ECE2: variants seen among roughly 807,000 people sequenced by gnomAD.
ECE2 encodes the protein endothelin-converting enzyme 2.
In ECE2, 81 loss-of-function variants were observed where a neutral mutation model predicts 100.6. The observed-to-expected ratio is 0.81, with a 90% CI of 0.67 to 0.97. The LOEUF is 0.97. ECE2 is among the 50% of genes least tolerant of loss of function. The pLI is 0.00. For synonymous variants in ECE2, 391 were observed against 391.5 expected, an observed-to-expected ratio of 1.00 and a Z score of 0.02; for missense variants, 911 against 988.1, an observed-to-expected ratio of 0.92 and a Z score of 1.05.
At chr3:184,285,329 G>T (rs1471218095) in intron 9 of ECE2, 149 bp from the exon 10 acceptor site, 2 of 878,180 alleles carry the variant, frequency 2.3e-6, no homozygotes, top group Non-Finnish European at 3.5e-6. Context: ...ACAGGCAGGT[G>T]TGTGGCCCCG....
Position 184,292,331 on chromosome 3 carries a change from G to T in ECE2, c.*93G>T. 4 of 1,482,774 alleles carry T rather than the reference G, an allele frequency of 2.7e-6. No individual in the cohort carries two copies. In the South Asian group the frequency reaches 3.8e-5, roughly 14 times the overall value. 91.9% of individuals were successfully genotyped at this position (1,482,774 alleles called of 1,614,324 possible). ...GCTCTTGGGTTGGGAGGAAGCAAAT[G>T]CAAGCTGGGCTGGGTCTAGTCCCTC... On this transcript the variant is annotated 3_prime_UTR_variant, in exon 19 of 19. Transcript: ENST00000404464.
At chr3:184,287,136 C>T (rs969065450) in intron 10 of ECE2, among the ~76,000 whole-genome samples, 17 of 151,702 alleles carry the variant, frequency 1.1e-4, no homozygotes, top group African/African-American at 4.1e-4. Context: ...TTTAGCCGGG[C>T]GTGGTGGCGG....
At chr3:184,278,773 T>C in intron 7 of ECE2, 1 of 592,176 alleles carries the variant, frequency 1.7e-6, no homozygotes, top group Non-Finnish European at 3.0e-6. Flanking sequence ...CTAGTAGGTT[T>C]CATAGACACC....
At chr3:184,279,907 A>G (rs1720747150) in intron 7 of ECE2, among the ~76,000 whole-genome samples, 1 of 152,100 alleles carries the variant, frequency 6.6e-6, no homozygotes, top group African/African-American at 2.4e-5. Flanking sequence ...GGGTGTGAAG[A>G]GTAGATGTGA....
In ECE2 at chr3:184,291,666, C is replaced by T; in HGVS notation, c.2121+227C>T. 2 of 524,792 alleles carry T rather than the reference C, an allele frequency of 3.8e-6. No homozygotes were observed. Among genetic ancestry groups the T allele is most frequent in the Non-Finnish European group, 6.7e-6 (2 of 299,492 alleles). 32.5% of individuals were successfully genotyped at this position (524,792 alleles called of 1,614,324 possible). A position where few individuals can be genotyped will look rare whatever the true frequency, so the allele number is the denominator to read the frequency against. Reference sequence around the variant, plus strand: ...GGGAGAATGCCTTGGTAGGATTTCGCATAGTTCAAAGGGCAAGGTTGTCGT... The same window carrying T: ...GGGAGAATGCCTTGGTAGGATTTCGTATAGTTCAAAGGGCAAGGTTGTCGT... On this transcript the variant is annotated intron_variant, in intron 18 of 18. Coordinates refer to ENST00000404464, the MANE Select transcript of ECE2 (RefSeq NM_001100121.2). The surrounding 1 kb of genome is among the most constrained non-coding windows in gnomAD (Gnocchi z 4.1).
At chr3:184,287,663 C>A (rs1020590877) in intron 10 of ECE2, among the ~76,000 whole-genome samples, 174 bp from the exon 11 acceptor site, 18 of 152,180 alleles carry the variant, frequency 1.2e-4, no homozygotes, top group East Asian at 1.9e-4. Flanking sequence ...CCACTATACT[C>A]CAGCCTGGGT....
intron 14 of ECE2, 82 bp from the exon 15 acceptor site, chr3:184,290,475 G>T: frequency 6.4e-7 from 1 of 1,561,902 alleles, no homozygotes. Flanking sequence ...CCATACCCTT[G>T]CAGGAGGTAG....
Position 184,283,561 on chromosome 3 carries a change from CAAAAAAAAAAAAAA to C in ECE2, c.817-207_817-194del, listed in dbSNP as rs35761542. ...TGGGCAACAGAGTGAGACTCCATCT[CAAAAAAAAAAAAAA>C]AAAAAAAAAAAAAAAAGAAGAAGAA... On this transcript the variant is annotated intron_variant, in intron 7 of 18. Coordinates refer to ENST00000404464, the MANE Select transcript of ECE2 (RefSeq NM_001100121.2). 9.4e-5 allele frequency among the ~76,000 whole-genome samples: 5 copies of C among 53,086 alleles called. No individual in the cohort carries two copies. The East Asian group carries it at 2.1e-3, about 22-fold the overall frequency. 34.8% of individuals were successfully genotyped at this position (53,086 alleles called of 152,430 possible).
intron 14 of ECE2, 56 bp downstream of exon 14, chr3:184,290,414 G>C (rs1721257568): frequency 6.3e-7 from 1 of 1,588,216 alleles, no homozygotes; most frequent in Middle Eastern, 1.7e-4. Flanking sequence ...GTGGGGGAAG[G>C]TTCCTGGGAT....
At chr3:184,276,841 T>C in intron 2 of ECE2, 51 bp from the exon 3 acceptor site, 1 of 1,605,218 alleles carries the variant, frequency 6.2e-7, no homozygotes, top group Non-Finnish European at 8.5e-7. Context: ...CTGGTAATCT[T>C]GGATCCCTGC....
At position 184,287,819 on chromosome 3, in the gene ECE2, C is replaced by G; in HGVS notation, c.1264-18C>G. ...GACACAGCCATCTCTAGGGTCCTGG[C>G]TCTTTGTCCTTTAACAGTCCTGTGT... is the stretch of plus-strand genomic sequence containing the variant. On this transcript the variant is annotated intron_variant, in intron 10 of 18. Transcript: ENST00000404464. The G allele has an allele frequency of 6.2e-7, 1 of 1,611,374 alleles. No individual in the cohort carries two copies. Among genetic ancestry groups the G allele is most frequent in the Non-Finnish European group, 8.5e-7 (1 of 1,177,532 alleles).
In ECE2 at chr3:184,283,733, G is replaced by A. The variant is rs1368485054; in HGVS notation, c.817-52G>A. 4.4e-6 allele frequency: 7 copies of A among 1,584,988 alleles called. No homozygotes were observed. In the Admixed American group the frequency reaches 5.2e-5, roughly 12 times the overall value. ...GAGGTGGTGGTAAGAACAGATCTCA[G>A]CCTTGGGCAGGACTTGTTGCTGGGC... On this transcript the variant is annotated intron_variant, in intron 7 of 18. Coordinates refer to ENST00000404464, the MANE Select transcript of ECE2 (RefSeq NM_001100121.2).
chr3:184,278,398 C>A (rs188091674), intron 6 of ECE2, 85 bp downstream of exon 6: 1 of 1,587,162 alleles, frequency 6.3e-7, no homozygotes, highest in East Asian at 2.2e-5. Context: ...GCAGGCTGGG[C>A]TGACCCCCCG....
At chr3:184,278,425 C>T (rs843372) in intron 6 of ECE2, 67 bp from the exon 7 acceptor site, 1,227,630 of 1,592,240 alleles carry the variant, frequency 0.77, 476,031 homozygotes, top group African/African-American at 0.96. Context: ...CCCCTACCCC[C>T]GCTCGGGAAT....
chr3:184,290,950 G>A (rs1721283023), intron 16 of ECE2, 90 bp downstream of exon 16: 2 of 1,596,132 alleles, frequency 1.3e-6, no homozygotes, highest in African/African-American at 1.3e-5. Flanking sequence ...CAAGGGCCCT[G>A]AAGTCTGTGG....
chr3:184,292,479 G>A lies in ECE2; in HGVS notation c.*241G>A, dbSNP rs1721376554. On this transcript the variant is annotated 3_prime_UTR_variant, in exon 19 of 19. Coordinates refer to ENST00000404464, the MANE Select transcript of ECE2 (RefSeq NM_001100121.2). ...CTGTGACATCTTTCCGTGTCACCCT[G>A]CCTGGAAGAGGTCTGGGTGGGGAGG... 1 of 556,946 alleles carries A rather than the reference G, an allele frequency of 1.8e-6. No homozygotes were observed. Among genetic ancestry groups the A allele is most frequent in the Non-Finnish European group, 3.2e-6 (1 of 311,828 alleles). 34.5% of individuals were successfully genotyped at this position (556,946 alleles called of 1,614,324 possible).
intron 7 of ECE2, among the ~76,000 whole-genome samples, chr3:184,283,283 G>A (rs1296450347): frequency 3.3e-5 from 5 of 152,000 alleles, no homozygotes; most frequent in Non-Finnish European, 5.9e-5. Context: ...AAACATGGCC[G>A]GGTGCAGTGG....
chr3:184,277,088 C>T (rs1720589569), intron 3 of ECE2, 61 bp downstream of exon 3: 1 of 1,608,396 alleles, frequency 6.2e-7, no homozygotes, highest in African/African-American at 1.3e-5. Context: ...GCCTAAGGGC[C>T]TCTAAGATTT....
Position 184,291,278 on chromosome 3 carries a change from G to C in ECE2, c.2025+48G>C. ...CAGCGGCTGAGGCCTGCTGGCCTGG[G>C]GTGAAAGGTGCCGGGTGGGTGGGGG... On this transcript the variant is annotated intron_variant, in intron 17 of 18. Transcript: ENST00000404464. This position sits in a 1 kb window ranked among gnomAD's most constrained non-coding sequence, Gnocchi z 4.1. 6.3e-7 allele frequency: 1 copy of C among 1,594,376 alleles called. No homozygotes were observed. The highest frequency in any genetic ancestry group is 1.3e-5 in the African/African-American group (1 of 74,812).
Sources: allele counts gnomAD v4.1 joint callset (sites outside exome capture counted in the v4.1 genomes callset), GRCh38; gene constraint gnomAD v4.1.1; non-coding constraint Gnocchi (gnomAD v3.1); transcripts MANE v1.5; gene names NCBI Gene and HGNC (gene_info 2026-07-23, HGNC 2026-07-21).